The following MTTP variants were observed in gnomAD, a reference collection of about 807,000 sequenced individuals.
The protein encoded by MTTP is microsomal triglyceride transfer protein large subunit.
In MTTP, 49 loss-of-function variants were observed where a neutral mutation model predicts 90.6. That is an observed-to-expected ratio of 0.54 (90% confidence interval 0.43 to 0.69). MTTP has a LOEUF of 0.69. MTTP is among the 30% of genes least tolerant of loss of function. The pLI is 0.00. For missense variants in MTTP, 945 were observed against 1,067.5 expected (o/e 0.89, Z 1.60); for synonymous variants, 347 against 384.2 (o/e 0.90, Z 1.13).
intron 14 of MTTP, 94 bp from the exon 15 acceptor site, chr4:99,612,819 C>A (rs1028010082): frequency 1.6e-6 from 2 of 1,231,824 alleles, no homozygotes; most frequent in Admixed American, 1.7e-5. Context: ...TTTTTGGCCC[C>A]TTGAGAAGTT....
intron 3 of MTTP, 101 bp from the exon 4 acceptor site, chr4:99,589,542 G>A (rs1725360942): frequency 1.4e-5 from 10 of 739,990 alleles, no homozygotes; most frequent in Non-Finnish European, 2.2e-5. Flanking sequence ...TTTCTCCCAG[G>A]ATTAATACAG....
intron 4 of MTTP, among the ~76,000 whole-genome samples, chr4:99,590,477 T>C (rs1725388019): frequency 6.6e-6 from 1 of 152,158 alleles, no homozygotes; most frequent in African/African-American, 2.4e-5. Flanking sequence ...ACTGTTCATT[T>C]TGCAAAAGAA....
chr4:99,617,652 C>G (rs1450751234), intron 15 of MTTP, among the ~76,000 whole-genome samples: 1 of 152,104 alleles, frequency 6.6e-6, no homozygotes, highest in East Asian at 1.9e-4. Context: ...ACACTGTCCC[C>G]AGGCAATCTG....
chr4:99,591,586 T>C, intron 5 of MTTP, 65 bp from the exon 6 acceptor site: 1 of 1,539,068 alleles, frequency 6.5e-7, no homozygotes, highest in South Asian at 1.1e-5. Context: ...CAGTTTGCTA[T>C]TTGACTTGAT....
intron 15 of MTTP, among the ~76,000 whole-genome samples, chr4:99,614,808 T>C (rs1004616481): frequency 6.6e-6 from 1 of 152,240 alleles, no homozygotes; most frequent in Admixed American, 6.5e-5. Flanking sequence ...CGGTGTTACA[T>C]GGCTATCTCT....
chr4:99,577,605 C>CAAAAAAAAAAAAAA (rs10605949), intron 1 of MTTP, among the ~76,000 whole-genome samples: 3 of 101,278 alleles, frequency 3.0e-5, no homozygotes, highest in Non-Finnish European at 4.0e-5. Context: ...AACTCTGTTT[C>CAAAAAAAAAAAAAA]AAAAAAAAAA....
rs1016245335 is a variant in MTTP at position 99,622,871 on chromosome 4, T to A, written c.*23T>A. Reference sequence around the variant, plus strand: ...TGAAACTGACCTGTGATATTTTACTTGAATTTGTCTCCCCGAAAGGGACAC... The same window carrying A: ...TGAAACTGACCTGTGATATTTTACTAGAATTTGTCTCCCCGAAAGGGACAC... On this transcript the variant is annotated 3_prime_UTR_variant, in exon 18 of 18. Coordinates refer to ENST00000265517, the MANE Select transcript of MTTP (RefSeq NM_001386140.1). 1 of 1,611,252 alleles carries A rather than the reference T, an allele frequency of 6.2e-7. No homozygotes were observed. The highest frequency in any genetic ancestry group is 2.2e-5 in the East Asian group (1 of 44,870).
chr4:99,610,032 C>T (rs1725913016), intron 12 of MTTP, among the ~76,000 whole-genome samples: 1 of 152,134 alleles, frequency 6.6e-6, no homozygotes, highest in Admixed American at 6.5e-5. Context: ...ATATCACCAA[C>T]ATTATGGTTC....
chr4:99,611,245 G>A lies in MTTP; in HGVS notation c.1867+5G>A, dbSNP rs1429774833. On this transcript the variant is annotated splice_donor_5th_base_variant and intron_variant, in intron 13 of 17. Coordinates refer to ENST00000265517, the MANE Select transcript of MTTP (RefSeq NM_001386140.1). ...CCTACACTGGCTACATAGAACGTAT[G>A]TACACCAAAAAGAGGTTCTCCTTCC... 12 of 1,613,534 alleles carry A rather than the reference G, an allele frequency of 7.4e-6. No individual in the cohort carries two copies. Among genetic ancestry groups the A allele is most frequent in the Non-Finnish European group, 1.0e-5 (12 of 1,179,636 alleles).
rs750568578 is a variant in MTTP at position 99,613,125 on chromosome 4, A to G, written c.2202A>G (p.Leu734=). The G allele has an allele frequency of 1.2e-6, 2 of 1,613,352 alleles. No individual in the cohort carries two copies. The highest frequency in any genetic ancestry group is 2.7e-5 in the African/African-American group (2 of 74,892). ...PISVVKGLIL[L]IDHSQELQLQ... Reference sequence around the variant, plus strand: ...GTGTGGTGAAAGGACTTATTCTGCTAATAGATCATTCTCAGGTAATTCATT... The same window carrying G: ...GTGTGGTGAAAGGACTTATTCTGCTGATAGATCATTCTCAGGTAATTCATT... The change falls in exon 15 of 18, where the codon CTA becomes CTG. Residue 734 remains leucine, a synonymous_variant. Transcript: ENST00000265517.
chr4:99,612,863 C>T (rs899184292), intron 14 of MTTP, 50 bp from the exon 15 acceptor site: 1 of 1,513,746 alleles, frequency 6.6e-7, no homozygotes, highest in African/African-American at 1.4e-5. Flanking sequence ...CCATTATTTA[C>T]AGAGCAGGCA....
chr4:99,597,346 G>C, intron 8 of MTTP, 122 bp downstream of exon 8: 1 of 1,125,178 alleles, frequency 8.9e-7, no homozygotes, highest in South Asian at 1.3e-5. Context: ...TTATTTTCTT[G>C]TACTACATTT....
At chr4:99,579,532 A>G (rs983560335) in intron 1 of MTTP, among the ~76,000 whole-genome samples, 2 of 152,070 alleles carry the variant, frequency 1.3e-5, no homozygotes, top group Admixed American at 6.5e-5. Flanking sequence ...CCTTTGTCCA[A>G]AATGTCACCT....
chr4:99,572,572 GATTATTATA>G (rs1431551201), upstream of MTTP, among the ~76,000 whole-genome samples: 7 of 152,098 alleles, frequency 4.6e-5, no homozygotes, highest in African/African-American at 1.4e-4. Flanking sequence ...CTGTTGTAAG[GATTATTATA>G]AAAACGTAAG....
At chr4:99,603,430 T>C (rs1725743047) in intron 10 of MTTP, among the ~76,000 whole-genome samples, 3 of 152,100 alleles carry the variant, frequency 2.0e-5, no homozygotes, top group African/African-American at 7.2e-5. Flanking sequence ...GGATTAGAGT[T>C]AGTGAGATCT....
intron 1 of MTTP, among the ~76,000 whole-genome samples, chr4:99,565,965 A>T (rs556348780): frequency 1.5e-4 from 23 of 152,322 alleles, no homozygotes; most frequent in Admixed American, 2.6e-4. Flanking sequence ...CAGTAACATT[A>T]ACCGGGTCAT....
upstream of MTTP, among the ~76,000 whole-genome samples, chr4:99,574,371 C>A (rs79340181): frequency 2.6e-3 from 397 of 152,234 alleles, 3 homozygotes; most frequent in Non-Finnish European, 3.6e-3. Context: ...TCCTAAAATT[C>A]AGTGTGAATT....
In MTTP at chr4:99,583,433, AG is replaced by A. The variant is rs1483934247; in HGVS notation, c.311del (p.Gly104GlufsTer7). On this transcript the variant is annotated frameshift_variant, in exon 3 of 18. Transcript: ENST00000265517. LOFTEE classifies it high-confidence loss of function. The part of the protein sequence containing the change: ...QQRGEKSIFK[G>X]KSPSKIMGKE... ...AGAGAGGAGAGAAGAGCATCTTCAA[AG>A]GAAAAAGCCCATCTAAAATAATGGG... The A allele has an allele frequency of 6.2e-7, 1 of 1,613,568 alleles. No individual in the cohort carries two copies. The highest frequency in any genetic ancestry group is 8.5e-7 in the Non-Finnish European group (1 of 1,179,768).
intron 9 of MTTP, 66 bp from the exon 10 acceptor site, chr4:99,601,541 C>T: frequency 1.6e-6 from 2 of 1,212,922 alleles, no homozygotes; most frequent in East Asian, 2.3e-5. Flanking sequence ...TATTTTTTAA[C>T]TAAAAGTGTT....
Sources: gnomAD v4.1 joint callset for allele counts (sites outside exome capture counted in the v4.1 genomes callset) on GRCh38, gnomAD v4.1.1 for gene constraint, MANE v1.5 for transcripts, NCBI Gene and HGNC (gene_info 2026-07-23, HGNC 2026-07-21) for gene names.